The following CPVL variants were observed in gnomAD, a reference collection of about 807,000 sequenced individuals.
CPVL encodes probable serine carboxypeptidase CPVL.
A neutral mutation model predicts 63.7 loss-of-function variants in CPVL; 51 were observed. The ratio of observed to expected loss-of-function variants is 0.80; its 90% CI spans 0.64 to 1.01. CPVL has a LOEUF of 1.01. Ranked by LOEUF, CPVL falls within the 50% of genes least tolerant of loss-of-function variation. CPVL has a pLI of 0.00. For synonymous variants in CPVL, 195 were observed against 206.0 expected (o/e 0.95, Z 0.46); for missense variants, 530 against 573.1 (o/e 0.92, Z 0.77).
At chr7:29,161,260 G>C (rs1795141146) in intron 5 of CPVL, among the ~76,000 whole-genome samples, 1 of 152,072 alleles carries the variant, frequency 6.6e-6, no homozygotes, top group African/African-American at 2.4e-5. Context: ...GGACAGCATG[G>C]TTACTCTTTT....
At position 28,995,938 on chromosome 7, in the gene CPVL, A is replaced by G. The variant is rs10228797; in HGVS notation, c.1321-56T>C. On this transcript the variant is annotated intron_variant, in intron 12 of 12. Transcript: ENST00000265394. Reference sequence around the variant, plus strand: ...TTAGAGAAATGGATATTCTAAATACATGGAAAGTTTTCATTCAGATTAAAC... The same window carrying G: ...TTAGAGAAATGGATATTCTAAATACGTGGAAAGTTTTCATTCAGATTAAAC... 1.6e-5 allele frequency: 16 copies of G among 1,002,954 alleles called. No homozygotes were observed. In the African/African-American group the frequency reaches 2.6e-4, roughly 17 times the overall value. 62.1% of individuals were successfully genotyped at this position (1,002,954 alleles called of 1,614,324 possible).
At chr7:29,056,371 C>A (rs1027813668) in intron 11 of CPVL, among the ~76,000 whole-genome samples, 2 of 152,204 alleles carry the variant, frequency 1.3e-5, no homozygotes, top group African/African-American at 4.8e-5. Context: ...CAACTCCTGG[C>A]AACCACTGAT....
intron 11 of CPVL, among the ~76,000 whole-genome samples, chr7:29,057,187 C>A (rs992064307): frequency 8.5e-4 from 129 of 152,082 alleles, no homozygotes; most frequent in African/African-American, 3.0e-3. Flanking sequence ...GTTTCAAACT[C>A]CTGGGTGATC....
At chr7:29,121,742 A>G (rs1789397906) in intron 1 of CPVL, among the ~76,000 whole-genome samples, 1 of 152,214 alleles carries the variant, frequency 6.6e-6, no homozygotes, top group African/African-American at 2.4e-5. Context: ...TCAGGCATCC[A>G]TGCACACCTT....
At chr7:29,120,413 C>A (rs1789240593) in intron 2 of CPVL, among the ~76,000 whole-genome samples, 1 of 149,778 alleles carries the variant, frequency 6.7e-6, no homozygotes, top group Admixed American at 6.7e-5. Context: ...CAGAGCAAGA[C>A]TCTGTCTCAA....
rs576102760 is a variant in CPVL at position 29,106,890 on chromosome 7, G to A, written c.288+5814C>T. Among the ~76,000 whole-genome samples the A allele has an allele frequency of 4.6e-5, 7 of 152,264 alleles. No homozygotes were observed. In the South Asian group the frequency reaches 6.2e-4, roughly 14 times the overall value. On this transcript the variant is annotated intron_variant, in intron 3 of 12. Coordinates refer to ENST00000265394, the MANE Select transcript of CPVL (RefSeq NM_031311.5). ...CAACAATAATAATTTTTGATCTCTC[G>A]GGATTCCTGTGGGTCAGAAATTTGA...
At chr7:29,116,002 T>C (rs1392751000) in intron 2 of CPVL, among the ~76,000 whole-genome samples, 1 of 152,148 alleles carries the variant, frequency 6.6e-6, no homozygotes, top group Non-Finnish European at 1.5e-5. Context: ...GTCAGGAGGT[T>C]GGAAAGTGGG....
intron 11 of CPVL, among the ~76,000 whole-genome samples, chr7:29,061,963 G>A (rs1250128861): frequency 6.8e-6 from 1 of 147,570 alleles, no homozygotes; most frequent in Non-Finnish European, 1.5e-5. Flanking sequence ...AAAAAAAAGT[G>A]TGTACAGTGA....
intron 1 of CPVL, chr7:29,193,829 A>G (rs39050): frequency 0.89 from 135,819 of 152,200 alleles, 60,848 homozygotes; most frequent in East Asian, 0.98. Context: ...CTTTGACACC[A>G]GCTTTGTGTG....
intron 6 of CPVL, among the ~76,000 whole-genome samples, chr7:29,087,028 T>C (rs1198659863): frequency 6.6e-6 from 1 of 152,066 alleles, no homozygotes; most frequent in Non-Finnish European, 1.5e-5. Flanking sequence ...AGAAAAACTG[T>C]AAGATGACTA....
At chr7:29,173,574 C>T (rs907685525) in intron 5 of CPVL, among the ~76,000 whole-genome samples, 1 of 152,072 alleles carries the variant, frequency 6.6e-6, no homozygotes, top group African/African-American at 2.4e-5. Context: ...GGATAAAAAG[C>T]ATCTCTAATG....
Position 29,146,451 on chromosome 7 carries a change from C to T in CPVL, c.-33G>A, listed in dbSNP as rs1286362903. ...TACGCGGCGCAGTCGGTGCTCCTCC[C>T]TGAGCCGCGGCGCGCAAGGACCCCA... On this transcript the variant is annotated 5_prime_UTR_variant, in exon 1 of 13. Transcript: ENST00000265394. 2.2e-6 allele frequency: 3 copies of T among 1,368,028 alleles called. No individual in the cohort carries two copies. The highest frequency in any genetic ancestry group is 2.9e-5 in the Admixed American group (1 of 34,446). The allele number at this position is 1,368,028 out of a possible 1,614,324, so 84.7% of individuals were successfully genotyped here.
chr7:29,123,630 T>A (rs796577849), intron 1 of CPVL, among the ~76,000 whole-genome samples: 219 of 50,194 alleles, frequency 4.4e-3, no homozygotes, highest in Non-Finnish European at 5.1e-3. Flanking sequence ...AAAAAAAAAA[T>A]ATATATATAT....
chr7:29,081,013 G>A (rs766561164), intron 7 of CPVL, among the ~76,000 whole-genome samples: 1 of 152,136 alleles, frequency 6.6e-6, no homozygotes, highest in African/African-American at 2.4e-5. Context: ...AACCTCCCAC[G>A]TGCACTGACT....
At chr7:29,159,792 C>T (rs1434314960) in intron 5 of CPVL, among the ~76,000 whole-genome samples, 1 of 152,180 alleles carries the variant, frequency 6.6e-6, no homozygotes, top group Non-Finnish European at 1.5e-5. Context: ...GTAATTCACT[C>T]ATTCTTATGC....
exon 2 of CPVL, chr7:29,186,472 TGAGGAGG>T (rs1447404982): frequency 6.6e-6 from 1 of 151,592 alleles, no homozygotes; most frequent in Non-Finnish European, 1.5e-5. Flanking sequence ...CTTGGGAGGC[TGAGGAGG>T]GAGGATGGAT....
chr7:29,018,774 A>G (rs568444263), intron 12 of CPVL, among the ~76,000 whole-genome samples: 1 of 152,260 alleles, frequency 6.6e-6, no homozygotes, highest in African/African-American at 2.4e-5. Flanking sequence ...GACAATATCA[A>G]CTCAGATAAT....
intron 2 of CPVL, among the ~76,000 whole-genome samples, chr7:29,117,129 G>A (rs2128635970): frequency 6.6e-6 from 1 of 152,278 alleles, no homozygotes; most frequent in African/African-American, 2.4e-5. Flanking sequence ...GAATTTGACT[G>A]TGTAACATAA....
chr7:29,046,363 C>T (rs1315120451), intron 11 of CPVL, among the ~76,000 whole-genome samples: 2 of 152,110 alleles, frequency 1.3e-5, no homozygotes, highest in Non-Finnish European at 2.9e-5. Flanking sequence ...GGATTACAGG[C>T]GTCAGCCACC....
Sources: gnomAD v4.1 joint callset for allele counts (sites outside exome capture counted in the v4.1 genomes callset) on GRCh38, gnomAD v4.1.1 for gene constraint, MANE v1.5 for transcripts, NCBI Gene and HGNC (gene_info 2026-07-23, HGNC 2026-07-21) for gene names.